The following NEK6 variants were observed in gnomAD, a reference collection of about 807,000 sequenced individuals.
NEK6 encodes the protein serine/threonine-protein kinase Nek6.
A neutral mutation model predicts 43.5 loss-of-function variants in NEK6; 27 were observed. The ratio of observed to expected loss-of-function variants is 0.62; its 90% CI spans 0.46 to 0.86. The LOEUF is 0.86. Among genes scored for constraint, NEK6 ranks in the 40% least tolerant of loss-of-function variants. NEK6 has a pLI of 0.00. For missense variants in NEK6, 318 were observed against 414.4 expected (o/e 0.77, Z 2.02); for synonymous variants, 167 against 164.1 (o/e 1.02, Z -0.14).
At chr9:124,349,875 C>T (rs1830157799) in intron 9 of NEK6, among the ~76,000 whole-genome samples, 1 of 152,236 alleles carries the variant, frequency 6.6e-6, no homozygotes, top group Non-Finnish European at 1.5e-5. Flanking sequence ...GTAAGGCATG[C>T]ACGCAGGTGC....
intron 1 of NEK6, among the ~76,000 whole-genome samples, chr9:124,282,276 G>A (rs991041703): frequency 5.3e-5 from 8 of 151,928 alleles, no homozygotes; most frequent in South Asian, 2.1e-4. Context: ...TCCGTGTTCC[G>A]TGGCTCGTCT....
chr9:124,328,079 A>G (rs1485118596), intron 7 of NEK6, among the ~76,000 whole-genome samples: 1 of 152,040 alleles, frequency 6.6e-6, no homozygotes, highest in Non-Finnish European at 1.5e-5. Flanking sequence ...GCTGGACACC[A>G]CCCTATGGGT....
At chr9:124,337,059 A>G (rs1829334765) in intron 7 of NEK6, among the ~76,000 whole-genome samples, 1 of 151,818 alleles carries the variant, frequency 6.6e-6, no homozygotes, top group Non-Finnish European at 1.5e-5. Context: ...CAATGGGCTG[A>G]TAGGAGAATG....
chr9:124,337,358 G>C (rs1829350064), intron 7 of NEK6, among the ~76,000 whole-genome samples: 1 of 152,236 alleles, frequency 6.6e-6, no homozygotes, highest in Non-Finnish European at 1.5e-5. Context: ...CCTCTTGGCA[G>C]CAGAGCCCCA....
At chr9:124,293,336 G>C (rs1312995400) in intron 1 of NEK6, among the ~76,000 whole-genome samples, 2 of 152,214 alleles carry the variant, frequency 1.3e-5, no homozygotes, top group Admixed American at 6.5e-5. Flanking sequence ...GCCCGACACA[G>C]AGGAAGCACT....
intron 7 of NEK6, among the ~76,000 whole-genome samples, chr9:124,335,765 T>C (rs545628477): frequency 1.1e-4 from 16 of 152,312 alleles, no homozygotes; most frequent in African/African-American, 3.6e-4. Context: ...CCAACACCAT[T>C]ACAGCCTCTC....
chr9:124,344,869 TTGGACGGCAGAGAGGCC>T (rs1472823142), intron 8 of NEK6, among the ~76,000 whole-genome samples: 3 of 152,190 alleles, frequency 2.0e-5, no homozygotes, highest in Non-Finnish European at 4.4e-5. Flanking sequence ...GGAATGCTGC[TTGGACGGCAGAGAGGCC>T]TGGACGCCCC....
In NEK6 at chr9:124,353,174, G is replaced by A. The variant is rs41274374; in HGVS notation, c.*2227G>A. On this transcript the variant is annotated 3_prime_UTR_variant, in exon 10 of 10. Transcript: ENST00000320246. ...TTCCTACTTGGCTGCTGAGGTGGAG[G>A]GTGTGCTGCACTTATCACCCCATTT... 0.064 allele frequency: 10,616 copies of A among 167,096 alleles called. 993 individuals are homozygous for A. The highest frequency in any genetic ancestry group is 0.45 in the East Asian group (2,484 of 5,490). The allele number at this position is 167,096 out of a possible 1,614,324, so 10.4% of individuals were successfully genotyped here. A position where few individuals can be genotyped will look rare whatever the true frequency, so the allele number is the denominator to read the frequency against.
intron 1 of NEK6, among the ~76,000 whole-genome samples, chr9:124,290,522 A>G (rs1285497888): frequency 2.0e-5 from 3 of 152,254 alleles, no homozygotes. Context: ...TGCCTGTGTC[A>G]GTCCCAGTGG....
intron 8 of NEK6, among the ~76,000 whole-genome samples, chr9:124,345,233 C>G (rs1368468166): frequency 6.6e-6 from 1 of 152,232 alleles, no homozygotes; most frequent in African/African-American, 2.4e-5. Context: ...TTCGACCAGT[C>G]AGAGTCTGGG....
intron 1 of NEK6, among the ~76,000 whole-genome samples, chr9:124,282,543 C>T (rs1012235428): frequency 2.6e-5 from 4 of 152,150 alleles, no homozygotes; most frequent in Non-Finnish European, 4.4e-5. Flanking sequence ...TGCCCTCATT[C>T]CCAGGAGGAG....
intron 8 of NEK6, 108 bp downstream of exon 8, chr9:124,339,773 A>G: frequency 1.2e-6 from 1 of 809,322 alleles, no homozygotes; most frequent in Non-Finnish European, 2.1e-6. Flanking sequence ...CAGGAATGTC[A>G]CGTCTGCCTG....
intron 1 of NEK6, among the ~76,000 whole-genome samples, chr9:124,270,696 G>A (rs1425433858): frequency 1.3e-5 from 2 of 152,244 alleles, no homozygotes; most frequent in East Asian, 3.8e-4. Context: ...CTGCATCCGG[G>A]CCCCTGCTGC....
intron 1 of NEK6, among the ~76,000 whole-genome samples, chr9:124,271,498 T>C (rs772949555): frequency 1.2e-4 from 18 of 152,252 alleles, no homozygotes; most frequent in Admixed American, 9.2e-4. Flanking sequence ...CCAAGTACTT[T>C]CCGTGTGTTG....
At chr9:124,321,924 C>T (rs957535406) in intron 5 of NEK6, among the ~76,000 whole-genome samples, 1 of 152,234 alleles carries the variant, frequency 6.6e-6, no homozygotes, top group South Asian at 2.1e-4. Flanking sequence ...ACCCCCAGTG[C>T]CCCAGCCTAC....
chr9:124,282,653 C>T lies in NEK6; in HGVS notation c.-29-19283C>T, dbSNP rs1185279640. Among the ~76,000 whole-genome samples, 4 of 151,044 alleles carry T rather than the reference C, an allele frequency of 2.6e-5. No homozygotes were observed. In the East Asian group the frequency reaches 7.7e-4, roughly 29 times the overall value. ...GTGGGTCAGACACGCCCACTGAATA[C>T]TCAGGGGCACGGGAGGGCCGGGATC... is the stretch of plus-strand genomic sequence containing the variant. On this transcript the variant is annotated intron_variant, in intron 1 of 9. Coordinates refer to ENST00000320246, the MANE Select transcript of NEK6 (RefSeq NM_014397.6).
At chr9:124,332,674 G>T (rs528896695) in intron 7 of NEK6, among the ~76,000 whole-genome samples, 1 of 152,124 alleles carries the variant, frequency 6.6e-6, no homozygotes, top group Admixed American at 6.5e-5. Context: ...TGCCTTTTTC[G>T]TAGCTAATGA....
chr9:124,348,288 C>T (rs1446836924), intron 9 of NEK6, among the ~76,000 whole-genome samples: 1 of 152,206 alleles, frequency 6.6e-6, no homozygotes, highest in East Asian at 1.9e-4. Context: ...ACAGACTTAA[C>T]ACCCTGGGCT....
intron 1 of NEK6, among the ~76,000 whole-genome samples, chr9:124,296,097 G>A (rs1832678239): frequency 6.6e-6 from 1 of 152,226 alleles, no homozygotes; most frequent in African/African-American, 2.4e-5. Context: ...GGCATGTGTC[G>A]GGCAGTGGAG....
Sources: allele counts gnomAD v4.1 joint callset (sites outside exome capture counted in the v4.1 genomes callset), GRCh38; gene constraint gnomAD v4.1.1; transcripts MANE v1.5; gene names NCBI Gene and HGNC (gene_info 2026-07-23, HGNC 2026-07-21).